CILK1: variants seen among roughly 807,000 people sequenced by gnomAD.
The protein encoded by CILK1 is ciliogenesis associated kinase 1, also known as serine/threonine-protein kinase ICK.
In CILK1, 47 loss-of-function variants were observed where a neutral mutation model predicts 79.2. The ratio of observed to expected loss-of-function variants is 0.59; its 90% CI spans 0.47 to 0.76. CILK1 has a LOEUF of 0.76. CILK1 is among the 30% of genes least tolerant of loss of function. CILK1 has a pLI of 0.00. For missense variants in CILK1, 660 were observed against 769.5 expected, an observed-to-expected ratio of 0.86 and a Z score of 1.68; for synonymous variants, 266 against 275.9, an observed-to-expected ratio of 0.96 and a Z score of 0.36.
chr6:53,012,417 T>C (rs1764629421), intron 9 of CILK1, among the ~76,000 whole-genome samples, 190 bp from the exon 10 acceptor site: 1 of 152,160 alleles, frequency 6.6e-6, no homozygotes, highest in Non-Finnish European at 1.5e-5. Flanking sequence ...ACAGATTGTA[T>C]CAGCTGCCAT....
intron 1 of CILK1, among the ~76,000 whole-genome samples, chr6:53,061,332 A>G (rs371783165): frequency 1.1e-4 from 16 of 152,376 alleles, no homozygotes; most frequent in East Asian, 7.7e-4. Context: ...GTGCCCCGCA[A>G]CGAGGCTTCA....
At chr6:53,033,402 G>A (rs1766099428) in intron 3 of CILK1, among the ~76,000 whole-genome samples, 1 of 152,164 alleles carries the variant, frequency 6.6e-6, no homozygotes, top group Non-Finnish European at 1.5e-5. Context: ...GTGCGTACAT[G>A]TGAGTATAGC....
chr6:53,001,870 T>C lies in CILK1; in HGVS notation c.*3279A>G, dbSNP rs891030725. 2.6e-5 allele frequency: 4 copies of C among 152,646 alleles called. No homozygotes were observed. Among genetic ancestry groups the C allele is most frequent in the Non-Finnish European group, 5.9e-5 (4 of 68,038 alleles). The allele number at this position is 152,646 out of a possible 1,614,324, so 9.5% of individuals were successfully genotyped here. A position where few individuals can be genotyped will look rare whatever the true frequency, so the allele number is the denominator to read the frequency against. On this transcript the variant is annotated 3_prime_UTR_variant, in exon 14 of 14. Coordinates refer to ENST00000676107, the MANE Select transcript of CILK1 (RefSeq NM_014920.5). ...AAATGTACAGCATAAATTCCTTTTTTTCCTCTCCTGAATGGCACAAAACAA... is the reference window on the plus strand; with the variant it reads ...AAATGTACAGCATAAATTCCTTTTTCTCCTCTCCTGAATGGCACAAAACAA...
chr6:53,045,821 T>C (rs1219315533), intron 1 of CILK1, among the ~76,000 whole-genome samples: 2 of 142,318 alleles, frequency 1.4e-5, no homozygotes, highest in East Asian at 4.3e-4. Flanking sequence ...TCCTGGAAGC[T>C]TGATTTGTCA....
intron 1 of CILK1, among the ~76,000 whole-genome samples, chr6:53,047,263 T>A (rs1237046935): frequency 6.6e-6 from 1 of 152,066 alleles, no homozygotes; most frequent in African/African-American, 2.4e-5. Context: ...GTGGGCCCAA[T>A]TATGAACGAG....
chr6:53,018,393 G>GA lies in CILK1; in HGVS notation c.599dup (p.Gly202TrpfsTer4). 6.2e-7 allele frequency: 1 copy of GA among 1,614,204 alleles called. No individual in the cohort carries two copies. Among genetic ancestry groups the GA allele is most frequent in the African/African-American group, 1.3e-5 (1 of 75,054 alleles). On this transcript the variant is annotated frameshift_variant, in exon 7 of 14. Coordinates refer to ENST00000676107, the MANE Select transcript of CILK1 (RefSeq NM_014920.5). LOFTEE classifies it high-confidence loss of function. ...TTGTGTCAATTTCACTGGCTCCAGG[G>GA]AAGAGTGGCCTGAGGGTGTAAACTT...
At chr6:53,053,168 G>T (rs1266225255) in intron 1 of CILK1, among the ~76,000 whole-genome samples, 5 of 152,036 alleles carry the variant, frequency 3.3e-5, no homozygotes, top group Non-Finnish European at 7.4e-5. Context: ...GCTTCCTTGA[G>T]TCTTTTATTT....
chr6:53,048,165 G>T (rs1411181656), intron 1 of CILK1, among the ~76,000 whole-genome samples: 1 of 152,020 alleles, frequency 6.6e-6, no homozygotes, highest in African/African-American at 2.4e-5. Flanking sequence ...TCACATCCTT[G>T]GTTTACTGCT....
chr6:53,049,015 C>T (rs765314277), intron 1 of CILK1, among the ~76,000 whole-genome samples: 1 of 152,162 alleles, frequency 6.6e-6, no homozygotes, highest in African/African-American at 2.4e-5. Flanking sequence ...GAGGCAGAGA[C>T]GGCTATGAGA....
chr6:53,031,030 T>A (rs1765922183), intron 5 of CILK1, 35 bp downstream of exon 5: 1 of 1,374,810 alleles, frequency 7.3e-7, no homozygotes, highest in South Asian at 1.2e-5. Flanking sequence ...AACATTTCAC[T>A]GCTCTTCAAA....
intron 5 of CILK1, among the ~76,000 whole-genome samples, chr6:53,019,912 T>A (rs180796716): frequency 4.9e-4 from 75 of 151,982 alleles, no homozygotes; most frequent in Non-Finnish European, 1.1e-3. Flanking sequence ...CTTCAAGCTA[T>A]CCTCCTGCCT....
In CILK1 at chr6:53,005,182, T is replaced by C; in HGVS notation, c.1866A>G (p.Thr622=). Residue 622 remains threonine (T), a synonymous_variant, in exon 14 of 14, where the codon ACA becomes ACG. Transcript: ENST00000676107. ...PPAAQPVHGR[T]DWASKYASRR Reference sequence around the variant, plus strand: ...GAGATGCGTACTTGGAAGCCCAGTCTGTCCGGCCATGCACTGGCTGGGCGG... The same window carrying C: ...GAGATGCGTACTTGGAAGCCCAGTCCGTCCGGCCATGCACTGGCTGGGCGG... The C allele has an allele frequency of 5.6e-6, 9 of 1,614,220 alleles. No homozygotes were observed. The highest frequency in any genetic ancestry group is 7.6e-6 in the Non-Finnish European group (9 of 1,180,042).
chr6:53,007,552 G>A (rs1399248702), intron 12 of CILK1, among the ~76,000 whole-genome samples: 1 of 152,226 alleles, frequency 6.6e-6, no homozygotes, highest in East Asian at 1.9e-4. Context: ...CATCAAGGAT[G>A]CAGAGCAACT....
chr6:53,041,949 T>C (rs1766745953), intron 1 of CILK1, among the ~76,000 whole-genome samples: 1 of 152,154 alleles, frequency 6.6e-6, no homozygotes, highest in Non-Finnish European at 1.5e-5. Context: ...ATAGCTCACA[T>C]CCATTCCAAT....
At chr6:53,034,537 A>G (rs973251574) in intron 3 of CILK1, among the ~76,000 whole-genome samples, 2 of 152,108 alleles carry the variant, frequency 1.3e-5, no homozygotes, top group African/African-American at 4.8e-5. Context: ...CAACAGTCCA[A>G]ATGTGGACTG....
intron 1 of CILK1, among the ~76,000 whole-genome samples, chr6:53,043,767 A>AG (rs1766870254): frequency 6.6e-6 from 1 of 151,146 alleles, no homozygotes; most frequent in Non-Finnish European, 1.5e-5. Context: ...TGTGGATGGG[A>AG]GGGGGGAAGC....
chr6:53,053,889 T>C (rs543930192), intron 1 of CILK1, among the ~76,000 whole-genome samples: 2 of 152,312 alleles, frequency 1.3e-5, no homozygotes, highest in African/African-American at 4.8e-5. Flanking sequence ...TCCTTGAGTT[T>C]ACTTTTGGTG....
At chr6:53,005,689 G>C (rs1764176800) in intron 13 of CILK1, among the ~76,000 whole-genome samples, 1 of 152,018 alleles carries the variant, frequency 6.6e-6, no homozygotes, top group Non-Finnish European at 1.5e-5. Flanking sequence ...TTCCTACCTT[G>C]CCCCTACTTC....
intron 7 of CILK1, among the ~76,000 whole-genome samples, chr6:53,017,677 C>T (rs984344986): frequency 6.6e-6 from 1 of 152,152 alleles, no homozygotes; most frequent in Non-Finnish European, 1.5e-5. Context: ...TGACATTAGA[C>T]ACAGGGGGGT....
Sources: allele counts gnomAD v4.1 joint callset (sites outside exome capture counted in the v4.1 genomes callset), GRCh38; gene constraint gnomAD v4.1.1; transcripts MANE v1.5; gene names NCBI Gene and HGNC (gene_info 2026-07-23, HGNC 2026-07-21).